Variants in THSD7A observed in about 807,000 individuals in gnomAD.
The protein encoded by THSD7A is thrombospondin type 1 domain containing 7A, also known as thrombospondin type-1 domain-containing protein 7A.
THSD7A carries 96 observed loss-of-function variants against 231.3 expected under a neutral mutation model. That is an observed-to-expected ratio of 0.41 (90% CI 0.35 to 0.49). The LOEUF is 0.49. Ranked by LOEUF, THSD7A falls within the 20% of genes least tolerant of loss-of-function variation. The probability of loss-of-function intolerance (pLI) is 0.05; values close to 1 mark genes in which losing one functional copy is unlikely to be tolerated. For synonymous variants in THSD7A, 940 were observed against 743.3 expected (o/e 1.26, Z -4.30); for missense variants, 2,290 against 2,070.2 (o/e 1.11, Z -2.06).
chr7:11,673,100 G>A (rs1783468733), intron 1 of THSD7A, among the ~76,000 whole-genome samples: 1 of 152,146 alleles, frequency 6.6e-6, no homozygotes, highest in East Asian at 1.9e-4. Context: ...AGGATTAATA[G>A]TTAGGTGACA....
intron 6 of THSD7A, among the ~76,000 whole-genome samples, chr7:11,537,439 G>A (rs1788959326): frequency 6.6e-6 from 1 of 152,158 alleles, no homozygotes; most frequent in African/African-American, 2.4e-5. Context: ...CCTTGGTGCT[G>A]GCCTTATGAT....
At chr7:11,710,679 T>C (rs34597979) in intron 1 of THSD7A, among the ~76,000 whole-genome samples, 19,666 of 150,852 alleles carry the variant, frequency 0.13, 1,488 homozygotes, top group Admixed American at 0.18. Context: ...TGCAAAATGC[T>C]CTGAGGAAGA....
intron 4 of THSD7A, among the ~76,000 whole-genome samples, chr7:11,576,985 T>A (rs1013057250): frequency 6.6e-6 from 1 of 152,204 alleles, no homozygotes; most frequent in South Asian, 2.1e-4. Flanking sequence ...GTTTACACTT[T>A]AGAGTCAAAA....
chr7:11,789,575 T>C (rs1227367197), intron 1 of THSD7A, among the ~76,000 whole-genome samples: 1 of 151,988 alleles, frequency 6.6e-6, no homozygotes, highest in Non-Finnish European at 1.5e-5. Context: ...TTTTTTTCTT[T>C]TCTGGTAAGA....
chr7:11,539,620 G>A (rs766472310), intron 6 of THSD7A, among the ~76,000 whole-genome samples: 2 of 152,088 alleles, frequency 1.3e-5, no homozygotes, highest in Non-Finnish European at 2.9e-5. Flanking sequence ...CAAGCTAGGA[G>A]GTAATTACTT....
At chr7:11,777,806 C>G (rs1783466066) in intron 1 of THSD7A, among the ~76,000 whole-genome samples, 1 of 152,052 alleles carries the variant, frequency 6.6e-6, no homozygotes, top group Admixed American at 6.5e-5. Context: ...AATTATAACC[C>G]TGAATGTATC....
At chr7:11,793,535 A>T (rs1377130042) in intron 1 of THSD7A, among the ~76,000 whole-genome samples, 1 of 145,596 alleles carries the variant, frequency 6.9e-6, no homozygotes, top group Non-Finnish European at 1.5e-5. Context: ...AATCTTAGAA[A>T]ATAGGTTAAA....
chr7:11,747,049 C>T (rs1394685319), intron 1 of THSD7A, among the ~76,000 whole-genome samples: 2 of 151,828 alleles, frequency 1.3e-5, no homozygotes, highest in Non-Finnish European at 1.5e-5. Flanking sequence ...TTACCGACCT[C>T]TTTAGCTTTC....
chr7:11,673,244 T>C (rs926876075), intron 1 of THSD7A, among the ~76,000 whole-genome samples: 7 of 152,104 alleles, frequency 4.6e-5, no homozygotes, highest in African/African-American at 9.7e-5. Flanking sequence ...ATATTGCTGT[T>C]GTGGACACCT....
chr7:11,679,638 G>A (rs1167350519), intron 1 of THSD7A, among the ~76,000 whole-genome samples: 1 of 152,008 alleles, frequency 6.6e-6, no homozygotes, highest in Non-Finnish European at 1.5e-5. Flanking sequence ...CAACTTACAA[G>A]GGATGTGAAG....
At chr7:11,707,058 G>C (rs1335070827) in intron 1 of THSD7A, among the ~76,000 whole-genome samples, 4 of 150,702 alleles carry the variant, frequency 2.7e-5, no homozygotes, top group Non-Finnish European at 6.0e-5. Context: ...AATATAAAAA[G>C]GAATGAGTTT....
chr7:11,519,851 A>G (rs1049162932), intron 6 of THSD7A, among the ~76,000 whole-genome samples: 3 of 152,228 alleles, frequency 2.0e-5, no homozygotes, highest in African/African-American at 7.2e-5. Flanking sequence ...ATCAGAAAGC[A>G]TGCAAATCCT....
At chr7:11,663,661 G>T (rs761583944) in intron 1 of THSD7A, among the ~76,000 whole-genome samples, 1 of 151,440 alleles carries the variant, frequency 6.6e-6, no homozygotes, top group Admixed American at 6.6e-5. Flanking sequence ...CAGTCATAAA[G>T]CCAATACAAT....
At chr7:11,452,975 C>T (rs1453318508) in intron 11 of THSD7A, among the ~76,000 whole-genome samples, 1 of 151,822 alleles carries the variant, frequency 6.6e-6, no homozygotes, top group African/African-American at 2.4e-5. Flanking sequence ...TTCCTTAAAG[C>T]AAGCTCCTTC....
rs1260091767 is a variant in THSD7A, at chr7:11,728,526, CT to C, written c.191-91566del. Among the ~76,000 whole-genome samples, 3 of 151,750 alleles carry C rather than the reference CT, an allele frequency of 2.0e-5. No homozygotes were observed. In the South Asian group the frequency reaches 6.2e-4, roughly 31 times the overall value. On this transcript the variant is annotated intron_variant, in intron 1 of 27. Transcript: ENST00000423059. ...ACTGACAAAGCTGATTCATTTTTTC[CT>C]GGTAAAAACTCTCTTTATGCCATAT... is the stretch of plus-strand genomic sequence containing the variant.
At chr7:11,812,113 G>GTA (rs1169822756) in intron 1 of THSD7A, among the ~76,000 whole-genome samples, 3 of 139,306 alleles carry the variant, frequency 2.2e-5, no homozygotes, top group African/African-American at 8.8e-5. Flanking sequence ...AATTGTGTGT[G>GTA]TGTGTGTGTG....
At position 11,375,980 on chromosome 7, in the gene THSD7A, T is replaced by C. The variant is rs146169920; in HGVS notation, c.4890-102A>G. On this transcript the variant is annotated intron_variant, in intron 27 of 27. Coordinates refer to ENST00000423059, the MANE Select transcript of THSD7A (RefSeq NM_015204.3). The stretch of plus-strand genomic sequence containing the variant: ...GTAAAAGCAAATTGATAAACTGAAA[T>C]TGCCTCGTTGCCTGCGTTGCCTAAA... 906 of 1,021,444 alleles carry C rather than the reference T, an allele frequency of 8.9e-4. 5 individuals are homozygous for C. The African/African-American group carries it at 0.012, about 13-fold the overall frequency. 63.3% of individuals were successfully genotyped at this position (1,021,444 alleles called of 1,614,324 possible). A position where few individuals can be genotyped will look rare whatever the true frequency, so the allele number is the denominator to read the frequency against.
chr7:11,392,703 G>C (rs549796634), intron 23 of THSD7A, among the ~76,000 whole-genome samples: 1 of 152,286 alleles, frequency 6.6e-6, no homozygotes, highest in South Asian at 2.1e-4. Flanking sequence ...GGGAGGAGGG[G>C]TGTATACCAT....
intron 2 of THSD7A, among the ~76,000 whole-genome samples, chr7:11,601,834 G>T (rs78242560): frequency 0.011 from 1,601 of 152,282 alleles, 11 homozygotes; most frequent in Non-Finnish European, 0.015. Context: ...CTTATCTGGA[G>T]ATCACTATTA....
Sources: allele counts gnomAD v4.1 joint callset (sites outside exome capture counted in the v4.1 genomes callset), GRCh38; gene constraint gnomAD v4.1.1; transcripts MANE v1.5; gene names NCBI Gene and HGNC (gene_info 2026-07-23, HGNC 2026-07-21).